Variants in FKBP1B observed in about 807,000 individuals in gnomAD.
FKBP1B encodes peptidyl-prolyl cis-trans isomerase FKBP1B.
FKBP1B carries 4 observed loss-of-function variants against 13.5 expected under a neutral mutation model. That is an observed-to-expected ratio of 0.30 (90% CI 0.15 to 0.68). The LOEUF is 0.68. Ranked by LOEUF, FKBP1B falls within the 30% of genes least tolerant of loss-of-function variation. The pLI is 0.76. For missense variants in FKBP1B, 93 were observed against 136.2 expected, an observed-to-expected ratio of 0.68 and a Z score of 1.58; for synonymous variants, 54 against 53.6, an observed-to-expected ratio of 1.01 and a Z score of -0.03.
At chr2:24,034,636 C>T in the FKBP1B span, among the ~76,000 whole-genome samples, 77 of 149,466 alleles carry the variant, frequency 5.2e-4, no homozygotes, top group Non-Finnish European at 1.0e-3. Context: ...TGCAGTGGCA[C>T]GATCACAGCT....
At chr2:24,049,992 G>T in intron 1 of FKBP1B, 106 bp downstream of exon 1, 7 of 867,464 alleles carry the variant, frequency 8.1e-6, no homozygotes, top group Non-Finnish European at 1.1e-5. Flanking sequence ...AAGGGTCGGG[G>T]GGCTGGATGG....
At chr2:24,059,396 A>G (rs1664285520) in intron 2 of FKBP1B, among the ~76,000 whole-genome samples, 1 of 151,952 alleles carries the variant, frequency 6.6e-6, no homozygotes, top group African/African-American at 2.4e-5. Flanking sequence ...GGTTTCAAAC[A>G]GCCCTCTTAG....
chr2:24,048,610 T>C (rs1663710356), upstream of FKBP1B, among the ~76,000 whole-genome samples: 2 of 152,088 alleles, frequency 1.3e-5, no homozygotes, highest in African/African-American at 4.8e-5. Context: ...GAGCCATTGT[T>C]CCAAAAATTG....
At chr2:24,039,427 A>G in the FKBP1B span, 55 of 1,614,142 alleles carry the variant, frequency 3.4e-5, no homozygotes, top group Non-Finnish European at 4.6e-5. Context: ...AAGGCCATGG[A>G]TCGGATGCAC....
At chr2:24,059,377 G>GGGGT (rs1553320946) in intron 2 of FKBP1B, among the ~76,000 whole-genome samples, 1 of 151,392 alleles carries the variant, frequency 6.6e-6, no homozygotes, top group Non-Finnish European at 1.5e-5. Flanking sequence ...GCACCTGGGG[G>GGGGT]GGGGTTCTGG....
the FKBP1B span, among the ~76,000 whole-genome samples, chr2:24,040,350 T>C: frequency 6.6e-6 from 1 of 152,190 alleles, no homozygotes; most frequent in Admixed American, 6.5e-5. Context: ...CTTTCAACTT[T>C]TAAGTTAGAA....
At chr2:24,049,069 C>T (rs974656212), upstream of FKBP1B, among the ~76,000 whole-genome samples, 1 of 152,142 alleles carries the variant, frequency 6.6e-6, no homozygotes, top group African/African-American at 2.4e-5. Flanking sequence ...AGATCCAGGA[C>T]GCCTAGCGAG....
At chr2:24,061,896 G>A (rs1290755527) in intron 3 of FKBP1B, among the ~76,000 whole-genome samples, 1 of 151,956 alleles carries the variant, frequency 6.6e-6, no homozygotes, top group Non-Finnish European at 1.5e-5. Context: ...TTTAGAAAGA[G>A]TATCACTCTG....
chr2:24,049,962 A>T, intron 1 of FKBP1B, 76 bp downstream of exon 1: 1 of 1,221,786 alleles, frequency 8.2e-7, no homozygotes, highest in Non-Finnish European at 1.1e-6. Flanking sequence ...TCTGATTCGG[A>T]GGTGGCGTGG....
In FKBP1B at chr2:24,050,246, T is replaced by C. The variant is rs1324983343; in HGVS notation, c.37+360T>C. Among the ~76,000 whole-genome samples, 1 of 152,084 alleles carries C rather than the reference T, an allele frequency of 6.6e-6. No individual in the cohort carries two copies. Among genetic ancestry groups the C allele is most frequent in the Non-Finnish European group, 1.5e-5 (1 of 67,962 alleles). On this transcript the variant is annotated intron_variant, in intron 1 of 3. Coordinates refer to ENST00000380986, the MANE Select transcript of FKBP1B (RefSeq NM_004116.5). The surrounding 1 kb of genome is among the most constrained non-coding windows in gnomAD (Gnocchi z 5.8). ...TTCGGCTTCGCTTTCCCTGCCCTAC[T>C]CGGCGAGCTCTGGAAAGCAGGACCT... is the stretch of plus-strand genomic sequence containing the variant.
chr2:24,045,631 G>GAGGAAGGAAGGAAGGA (rs4041250), upstream of FKBP1B, among the ~76,000 whole-genome samples: 24 of 106,148 alleles, frequency 2.3e-4, no homozygotes, highest in African/African-American at 1.0e-3. Context: ...GAGAGAGAGA[G>GAGGAAGGAAGGAAGGA]AGGAAGGAAG....
chr2:24,059,377 G>GGGGA (rs1553320946), intron 2 of FKBP1B, among the ~76,000 whole-genome samples: 1 of 151,392 alleles, frequency 6.6e-6, no homozygotes, highest in Non-Finnish European at 1.5e-5. Context: ...GCACCTGGGG[G>GGGGA]GGGGTTCTGG....
chr2:24,052,179 A>T (rs1663910489), intron 1 of FKBP1B, among the ~76,000 whole-genome samples: 1 of 152,164 alleles, frequency 6.6e-6, no homozygotes, highest in Admixed American at 6.5e-5. Flanking sequence ...CCACCACCTT[A>T]AATCAAGCTA....
chr2:24,063,448 C>A lies in FKBP1B; in HGVS notation c.*256C>A. On this transcript the variant is annotated 3_prime_UTR_variant, in exon 4 of 4. Coordinates refer to ENST00000380986, the MANE Select transcript of FKBP1B (RefSeq NM_004116.5). ...CATTTTGTGTGATGCATGTAGTAGC[C>A]TTTCCTGATGACAGAACACAGATCT... 2.2e-6 allele frequency: 1 copy of A among 450,802 alleles called. No homozygotes were observed. Among genetic ancestry groups the A allele is most frequent in the Non-Finnish European group, 3.9e-6 (1 of 254,452 alleles). 27.9% of individuals were successfully genotyped at this position (450,802 alleles called of 1,614,324 possible).
intron 1 of FKBP1B, among the ~76,000 whole-genome samples, chr2:24,053,555 A>C (rs1242635430): frequency 6.6e-6 from 1 of 150,910 alleles, no homozygotes; most frequent in South Asian, 2.1e-4. Flanking sequence ...ATTGCTCTGC[A>C]TGTCTGAAGT....
intron 2 of FKBP1B, among the ~76,000 whole-genome samples, chr2:24,055,120 C>T (rs1290579906): frequency 2.0e-5 from 3 of 151,942 alleles, no homozygotes; most frequent in African/African-American, 7.3e-5. Flanking sequence ...AGCATAGAAC[C>T]AGCATCCCCA....
the FKBP1B span, among the ~76,000 whole-genome samples, chr2:24,041,650 C>T: frequency 1.3e-5 from 2 of 151,240 alleles, no homozygotes; most frequent in African/African-American, 2.4e-5. Context: ...GTCAGGAGTT[C>T]GAGACCAGCC....
Position 24,055,159 on chromosome 2 carries a change from A to G in FKBP1B, c.85+1210A>G, listed in dbSNP as rs77560742. Among the ~76,000 whole-genome samples, 1,125 of 145,158 alleles carry G rather than the reference A, an allele frequency of 7.8e-3. 5 individuals carry two copies. Among genetic ancestry groups the G allele is most frequent in the African/African-American group, 0.027 (1,072 of 39,184 alleles). On this transcript the variant is annotated intron_variant, in intron 2 of 3. Coordinates refer to ENST00000380986, the MANE Select transcript of FKBP1B (RefSeq NM_004116.5). ...GTCCCCCTGATGCCTTCTCCCAGTC[A>G]TTTCACCTCCCTAGAGGTAGCTATC...
At chr2:24,044,651 G>A in the FKBP1B span, among the ~76,000 whole-genome samples, 11 of 151,948 alleles carry the variant, frequency 7.2e-5, no homozygotes, top group Non-Finnish European at 1.2e-4. Flanking sequence ...TCTCAAAAAC[G>A]CAGTGATAAT....
Sources: allele counts gnomAD v4.1 joint callset (sites outside exome capture counted in the v4.1 genomes callset), GRCh38; gene constraint gnomAD v4.1.1; non-coding constraint Gnocchi (gnomAD v3.1); transcripts MANE v1.5; gene names NCBI Gene and HGNC (gene_info 2026-07-23, HGNC 2026-07-21).